ARAP3: variants seen among roughly 807,000 people sequenced by gnomAD.
ARAP3 encodes ArfGAP with RhoGAP domain, ankyrin repeat and PH domain 3, also known as arf-GAP with Rho-GAP domain, ANK repeat and PH domain-containing protein 3.
ARAP3 carries 82 observed loss-of-function variants against 169.2 expected under a neutral mutation model. The observed-to-expected ratio is 0.48, with a 90% CI of 0.41 to 0.58. The LOEUF is 0.58. Among genes scored for constraint, ARAP3 ranks in the 20% least tolerant of loss-of-function variants. The pLI is 0.00. For missense variants in ARAP3, 1,764 were observed against 2,018.0 expected, an observed-to-expected ratio of 0.87 and a Z score of 2.41; for synonymous variants, 791 against 800.3, an observed-to-expected ratio of 0.99 and a Z score of 0.20.
At chr5:141,654,762 A>G (rs896960684) in intron 32 of ARAP3, among the ~76,000 whole-genome samples, 3 of 149,226 alleles carry the variant, frequency 2.0e-5, no homozygotes, top group African/African-American at 7.4e-5. Flanking sequence ...TTTTTGAGAC[A>G]GAGTTTTACT....
Position 141,673,303 on chromosome 5 carries a change from G to A in ARAP3, c.972+98C>T, listed in dbSNP as rs440279. 1.3e-5 allele frequency: 20 copies of A among 1,545,248 alleles called. No homozygotes were observed. The African/African-American group carries it at 1.9e-4, about 15-fold the overall frequency. On this transcript the variant is annotated intron_variant, in intron 6 of 32. Transcript: ENST00000239440. ...ACATCAGTCATGCAGTCACTGCCCC[G>A]CCCACACACACAATGGACTTCCCTC... is the stretch of plus-strand genomic sequence containing the variant.
In ARAP3 at chr5:141,655,332, G is replaced by A. The variant is rs770781745; in HGVS notation, c.4149+30C>T. On this transcript the variant is annotated intron_variant, in intron 32 of 32. Transcript: ENST00000239440. ...GCACAGAGGAATACAGGGTTGACAG[G>A]CACACCGCTGGAGCAGGCACAATAC... The A allele has an allele frequency of 7.0e-6, 11 of 1,565,462 alleles. No individual in the cohort carries two copies. In the South Asian group the frequency reaches 1.3e-4, roughly 18 times the overall value.
In ARAP3 at chr5:141,653,626, C is replaced by T; in HGVS notation, c.*324G>A. 1 of 228,992 alleles carries T rather than the reference C, an allele frequency of 4.4e-6. No homozygotes were observed. The highest frequency in any genetic ancestry group is 8.4e-6 in the Non-Finnish European group (1 of 118,780). 14.2% of individuals were successfully genotyped at this position (228,992 alleles called of 1,614,324 possible). On this transcript the variant is annotated 3_prime_UTR_variant, in exon 33 of 33. Transcript: ENST00000239440. ...AAAACCCAAAATCTCTCATGGAACC[C>T]CTACGTATCAAATATATAAAGCAGG...
intron 27 of ARAP3, 103 bp downstream of exon 27, chr5:141,656,401 T>C: frequency 9.5e-6 from 15 of 1,576,714 alleles, no homozygotes; most frequent in Non-Finnish European, 1.3e-5. Flanking sequence ...AGGGAAGCAA[T>C]GAGATTGATG....
rs1596473604 is a variant in ARAP3 at position 141,655,245 on chromosome 5, CA to C, written c.4149+116del. ...TGGCCTACACACACACACACACACA[CA>C]CACACACACACACCCCCTGATGGCC... On this transcript the variant is annotated intron_variant, in intron 32 of 32. Transcript: ENST00000239440. The C allele has an allele frequency of 1.2e-5, 13 of 1,093,222 alleles. No individual in the cohort carries two copies. The East Asian group carries it at 3.4e-4, about 28-fold the overall frequency. The allele number at this position is 1,093,222 out of a possible 1,614,324, so 67.7% of individuals were successfully genotyped here. A position where few individuals can be genotyped will look rare whatever the true frequency, so the allele number is the denominator to read the frequency against.
chr5:141,654,580 T>C (rs1246048537), intron 32 of ARAP3, 145 bp from the exon 33 acceptor site: 3 of 1,183,156 alleles, frequency 2.5e-6, no homozygotes, highest in African/African-American at 1.5e-5. Flanking sequence ...GTGCAGTGGG[T>C]TACACTGAGT....
intron 4 of ARAP3, among the ~76,000 whole-genome samples, chr5:141,678,017 T>G (rs2154599258): frequency 1.3e-5 from 2 of 151,420 alleles, no homozygotes; most frequent in East Asian, 1.9e-4. Flanking sequence ...GCACAACCTT[T>G]GCTCACTGCA....
chr5:141,670,135 A>G, intron 14 of ARAP3, 72 bp from the exon 15 acceptor site: 1 of 1,548,856 alleles, frequency 6.5e-7, no homozygotes, highest in Non-Finnish European at 8.7e-7. Flanking sequence ...TTTACCAGAT[A>G]TTTATTCTGT....
intron 20 of ARAP3, 56 bp from the exon 21 acceptor site, chr5:141,661,845 G>A: frequency 6.3e-7 from 1 of 1,579,458 alleles, no homozygotes; most frequent in Non-Finnish European, 8.7e-7. Flanking sequence ...AGTGGCAGCT[G>A]GTACAGAGGG....
At chr5:141,664,612 C>A (rs62380786) in intron 19 of ARAP3, among the ~76,000 whole-genome samples, 5 of 152,102 alleles carry the variant, frequency 3.3e-5, no homozygotes, top group Non-Finnish European at 7.3e-5. Flanking sequence ...CACACTCTGA[C>A]GAAACTTCTG....
Position 141,673,089 on chromosome 5 carries a change from C to T in ARAP3, c.1017G>A (p.Met339Ile), listed in dbSNP as rs1265184666. The T allele has an allele frequency of 6.2e-7, 1 of 1,614,176 alleles. No individual in the cohort carries two copies. The highest frequency in any genetic ancestry group is 1.1e-5 in the South Asian group (1 of 91,080). ...KGVIPLTAIE[M>I]TRSSKDNKFQ... ...ACTTGTTGTCCTTGCTGCTGCGGGTCATCTCAATGGCAGTCAAAGGTATCA... is the reference window on the plus strand; with the variant it reads ...ACTTGTTGTCCTTGCTGCTGCGGGTTATCTCAATGGCAGTCAAAGGTATCA... Residue 339 changes from methionine to isoleucine, a missense_variant, in exon 7 of 33, where the codon ATG (methionine) becomes ATA (isoleucine). Met to Ile is a conservative substitution (Grantham distance 10). This residue lies in a region of ARAP3 where 630 missense variants were observed against 678.7 expected (regional missense o/e 0.93). Coordinates refer to ENST00000239440, the MANE Select transcript of ARAP3 (RefSeq NM_022481.6).
In ARAP3 at chr5:141,659,885, T is replaced by C; in HGVS notation, c.3161A>G (p.Asn1054Ser). The C allele has an allele frequency of 6.3e-7, 1 of 1,587,874 alleles. No individual in the cohort carries two copies. Among genetic ancestry groups the C allele is most frequent in the Non-Finnish European group, 8.6e-7 (1 of 1,167,352 alleles). ...GCTGGGTGCAAACAGCAGAGCCAAG[T>C]TCCGCGTGCACATCTGGTTTAGAGC... ...CAALNQMCTR[N>S]LALLFAPSVF... The change falls in exon 22 of 33, where the codon AAC (asparagine) becomes AGC (serine). Residue 1054 changes from asparagine (N) to serine (S), a missense_variant. By Grantham distance (46) the Asn-to-Ser change is conservative. This residue lies in a region of ARAP3 where 1,112 missense variants were observed against 1,285.7 expected (regional missense o/e 0.86). Transcript: ENST00000239440.
At position 141,665,341 on chromosome 5, in the gene ARAP3, T is replaced by C; in HGVS notation, c.2606A>G (p.Lys869Arg). 6.2e-7 allele frequency: 1 copy of C among 1,614,208 alleles called. No individual in the cohort carries two copies. The highest frequency in any genetic ancestry group is 8.5e-7 in the Non-Finnish European group (1 of 1,180,034). Residue 869 changes from lysine (K) to arginine (R), a missense_variant, in exon 18 of 33, where the codon AAA becomes AGA. Physicochemically the swap from Lys to Arg is conservative, Grantham distance 26 (BLOSUM62 2). Around this residue, in one of 3 missense-constraint regions of ARAP3, gnomAD observed 1,112 missense variants for 1,285.7 expected, o/e 0.86. Coordinates refer to ENST00000239440, the MANE Select transcript of ARAP3 (RefSeq NM_022481.6). The part of the protein sequence containing the change: ...VVSAADTPDK[K>R]EHLVLVETGR... ...TGTCTCCACCAGGACCAAATGCTCT[T>C]TCTTATCTGGGGTGTCAGCTGCAGA...
chr5:141,662,091 C>A lies in ARAP3; in HGVS notation c.2965G>T (p.Asp989Tyr), dbSNP rs760039973. The A allele has an allele frequency of 1.2e-6, 2 of 1,614,086 alleles. No homozygotes were observed. The highest frequency in any genetic ancestry group is 1.7e-6 in the Non-Finnish European group (2 of 1,180,048). Reference sequence around the variant, plus strand: ...AGCAACCGTGCAGAGGTCACAGGGTCATCGAGCTCACGAAAGAAGCGTTTG... The same window carrying A: ...AGCAACCGTGCAGAGGTCACAGGGTAATCGAGCTCACGAAAGAAGCGTTTG... ...TLKRFFRELD[D>Y]PVTSARLLPR... is the part of the protein sequence containing the mutation. Residue 989 changes from aspartate to tyrosine, a missense_variant, in exon 20 of 33, where the codon GAC (aspartate) becomes TAC (tyrosine). Asp to Tyr is a radical substitution (Grantham distance 160). Around this residue, in one of 3 missense-constraint regions of ARAP3, gnomAD observed 1,112 missense variants for 1,285.7 expected, o/e 0.86. Transcript: ENST00000239440.
chr5:141,655,260 C>CACACACACACA lies in ARAP3; in HGVS notation c.4149+101_4149+102insTGTGTGTGTGT, dbSNP rs1562401159. The CACACACACACA allele has an allele frequency of 8.1e-5, 68 of 834,524 alleles. 1 individual carries two copies. Among genetic ancestry groups the CACACACACACA allele is most frequent in the African/African-American group, 2.1e-4 (7 of 34,126 alleles). 51.7% of individuals were successfully genotyped at this position (834,524 alleles called of 1,614,324 possible). On this transcript the variant is annotated intron_variant, in intron 32 of 32. Transcript: ENST00000239440. Reference sequence around the variant, plus strand: ...CACACACACACACACACACACACACCCCCTGATGGCCTACATGAGGAAAAC... The same window carrying CACACACACACA: ...CACACACACACACACACACACACACCACACACACACACCCTGATGGCCTACATGAGGAAAAC...
chr5:141,658,382 C>T lies in ARAP3; in HGVS notation c.3509G>A (p.Arg1170His), dbSNP rs116485474. The T allele has an allele frequency of 3.5e-5, 57 of 1,613,462 alleles. No individual in the cohort carries two copies. The South Asian group carries it at 3.7e-4, about 11-fold the overall frequency. ...ATACTCACCCAGCTCCCCATGCTCGCGAATCTCAAAAGTCACCCACAAGTC... is the reference window on the plus strand; with the variant it reads ...ATACTCACCCAGCTCCCCATGCTCGTGAATCTCAAAAGTCACCCACAAGTC... ...GMDLWVTFEI[R>H]EHGELERPLH... The change falls in exon 25 of 33, where the codon CGC becomes CAC. Residue 1170 changes from arginine to histidine, a missense_variant. Arg to His is a conservative substitution (Grantham distance 29). This residue lies in a region of ARAP3 where 1,112 missense variants were observed against 1,285.7 expected (regional missense o/e 0.86). Transcript: ENST00000239440.
At chr5:141,660,488 C>T (rs1270231958) in intron 21 of ARAP3, among the ~76,000 whole-genome samples, 18 of 145,492 alleles carry the variant, frequency 1.2e-4, no homozygotes, top group Non-Finnish European at 2.4e-4. Flanking sequence ...AGCAAGACTC[C>T]GTCTCAAAAA....
chr5:141,673,582 T>A, intron 5 of ARAP3, 23 bp downstream of exon 5: 2 of 1,612,218 alleles, frequency 1.2e-6, no homozygotes, highest in South Asian at 1.1e-5. Flanking sequence ...CTTTTCTCCC[T>A]CCCTTCCCCT....
At position 141,653,825 on chromosome 5, in the gene ARAP3, TCCTTCCACAGCA is replaced by T. The variant is rs1054899705; in HGVS notation, c.*113_*124del. The T allele has an allele frequency of 1.8e-5, 25 of 1,374,840 alleles. No individual in the cohort carries two copies. The African/African-American group carries it at 3.0e-4, about 17-fold the overall frequency. The allele number at this position is 1,374,840 out of a possible 1,614,324, so 85.2% of individuals were successfully genotyped here. On this transcript the variant is annotated 3_prime_UTR_variant, in exon 33 of 33. Coordinates refer to ENST00000239440, the MANE Select transcript of ARAP3 (RefSeq NM_022481.6). ...GCCACTGAAGCCTTTAGTCCAGTGC[TCCTTCCACAGCA>T]CCACACTGGATTCTGGAGTCTTTCC... is the stretch of plus-strand genomic sequence containing the variant.
Sources: allele counts gnomAD v4.1 joint callset (sites outside exome capture counted in the v4.1 genomes callset), GRCh38; gene constraint gnomAD v4.1.1; regional missense constraint gnomAD v4.1.1; transcripts MANE v1.5; gene names NCBI Gene and HGNC (gene_info 2026-07-23, HGNC 2026-07-21).